CDK19: variants seen among roughly 807,000 people sequenced by gnomAD.
The protein encoded by CDK19 is cyclin dependent kinase 19.
CDK19 carries 20 observed loss-of-function variants against 68.3 expected under a neutral mutation model. The observed-to-expected ratio is 0.29, with a 90% confidence interval of 0.21 to 0.43. The LOEUF is 0.43. CDK19 is among the 20% of genes least tolerant of loss of function. The pLI is 1.00. For synonymous variants in CDK19, 221 were observed against 222.8 expected (o/e 0.99, Z 0.07); for missense variants, 339 against 623.5 (o/e 0.54, Z 4.86).
Position 110,658,418 on chromosome 6 carries a change from A to G in CDK19, c.456+9016T>C, listed in dbSNP as rs569854515. 1.1e-4 allele frequency among the ~76,000 whole-genome samples: 17 copies of G among 152,358 alleles called. No homozygotes were observed. The South Asian group carries it at 3.5e-3, about 32-fold the overall frequency. On this transcript the variant is annotated intron_variant, in intron 4 of 12. Coordinates refer to ENST00000368911, the MANE Select transcript of CDK19 (RefSeq NM_015076.5). ...GAAATCAGAATGATTAAGTCATATT[A>G]AAAGAAATACTACTTCTTGTCATAA...
intron 2 of CDK19, among the ~76,000 whole-genome samples, chr6:110,734,559 C>CTCTCTCTCTCTCTG (rs1408540739): frequency 6.7e-6 from 1 of 149,986 alleles, no homozygotes; most frequent in Non-Finnish European, 1.5e-5. Context: ...CTCTCTCTCT[C>CTCTCTCTCTCTCTG]TCATGTCTGG....
chr6:110,669,764 G>A (rs1770838810), intron 3 of CDK19, among the ~76,000 whole-genome samples: 1 of 152,198 alleles, frequency 6.6e-6, no homozygotes, highest in South Asian at 2.1e-4. Flanking sequence ...TGAAAAGACA[G>A]GAATTAGAAT....
intron 2 of CDK19, among the ~76,000 whole-genome samples, chr6:110,674,402 A>G (rs1490339123): frequency 6.6e-6 from 1 of 152,246 alleles, no homozygotes; most frequent in African/African-American, 2.4e-5. Context: ...TTACTGAGGA[A>G]GGCACACTGA....
At chr6:110,764,521 ATACAGTGCTAGTTC>A (rs1779440453) in intron 1 of CDK19, among the ~76,000 whole-genome samples, 1 of 152,258 alleles carries the variant, frequency 6.6e-6, no homozygotes, top group African/African-American at 2.4e-5. Context: ...TTGTTTCAAC[ATACAGTGCTAGTTC>A]TAGCACTGGA....
chr6:110,713,394 T>C (rs995200038), intron 2 of CDK19, among the ~76,000 whole-genome samples: 1 of 139,842 alleles, frequency 7.2e-6, no homozygotes, highest in African/African-American at 2.7e-5. Context: ...ATCGCGCCAC[T>C]GCACTCCAGC....
chr6:110,796,423 T>C (rs1326518986), intron 1 of CDK19, among the ~76,000 whole-genome samples: 1 of 151,610 alleles, frequency 6.6e-6, no homozygotes, highest in Non-Finnish European at 1.5e-5. Flanking sequence ...GAGGCTGAGG[T>C]GGGTGGACTG....
At chr6:110,735,149 T>C (rs572791771) in intron 2 of CDK19, among the ~76,000 whole-genome samples, 1 of 152,064 alleles carries the variant, frequency 6.6e-6, no homozygotes, top group Admixed American at 6.5e-5. Context: ...GTCTTGCTAT[T>C]TTGCCCAGGC....
At chr6:110,796,912 A>T (rs901405573) in intron 1 of CDK19, among the ~76,000 whole-genome samples, 5 of 151,226 alleles carry the variant, frequency 3.3e-5, no homozygotes, top group Non-Finnish European at 7.4e-5. Flanking sequence ...CAGGAGACTG[A>T]GGCACGAGAA....
At chr6:110,805,668 T>C (rs1050532891) in intron 1 of CDK19, among the ~76,000 whole-genome samples, 1 of 152,030 alleles carries the variant, frequency 6.6e-6, no homozygotes, top group Admixed American at 6.6e-5. Context: ...ACTCCTGCTG[T>C]TCAACAGTCA....
At chr6:110,730,804 C>T (rs1022268083) in intron 2 of CDK19, among the ~76,000 whole-genome samples, 4 of 152,202 alleles carry the variant, frequency 2.6e-5, no homozygotes, top group African/African-American at 9.6e-5. Flanking sequence ...GTAATCCCAG[C>T]ACTTTGGGAG....
intron 4 of CDK19, among the ~76,000 whole-genome samples, chr6:110,656,439 T>C (rs9320341): frequency 0.014 from 2,115 of 152,362 alleles, 51 homozygotes; most frequent in African/African-American, 0.048. Context: ...AATAGGTCTT[T>C]CTATTCAGAG....
intron 4 of CDK19, among the ~76,000 whole-genome samples, chr6:110,647,800 T>C (rs192536256): frequency 2.0e-5 from 3 of 152,256 alleles, no homozygotes; most frequent in Admixed American, 1.3e-4. Context: ...AAGGTCAATA[T>C]AATGTTGGTT....
At chr6:110,650,915 T>C (rs547679684) in intron 4 of CDK19, among the ~76,000 whole-genome samples, 47 of 152,174 alleles carry the variant, frequency 3.1e-4, no homozygotes, top group Non-Finnish European at 5.3e-4. Flanking sequence ...GCTTTGGCAG[T>C]TGGGGAGGAC....
intron 1 of CDK19, among the ~76,000 whole-genome samples, chr6:110,765,416 C>G (rs1051513230): frequency 1.3e-5 from 2 of 151,588 alleles, no homozygotes; most frequent in Admixed American, 6.6e-5. Context: ...CGGTGGCTCA[C>G]GCCTGTAATT....
At chr6:110,805,973 C>CA (rs34834440) in intron 1 of CDK19, among the ~76,000 whole-genome samples, 8,371 of 95,242 alleles carry the variant, frequency 0.088, 445 homozygotes, top group East Asian at 0.4. Flanking sequence ...TAACACTTCT[C>CA]AAAAAAAAAA....
chr6:110,761,162 G>A (rs896019909), intron 1 of CDK19, among the ~76,000 whole-genome samples: 1 of 152,062 alleles, frequency 6.6e-6, no homozygotes, highest in Non-Finnish European at 1.5e-5. Flanking sequence ...TGCCCAGGCT[G>A]GTCTCGAATG....
At chr6:110,765,305 G>A (rs982795064) in intron 1 of CDK19, among the ~76,000 whole-genome samples, 1 of 152,128 alleles carries the variant, frequency 6.6e-6, no homozygotes, top group Non-Finnish European at 1.5e-5. Flanking sequence ...CTTGAGCCCT[G>A]GAGGTTGAGG....
intron 2 of CDK19, among the ~76,000 whole-genome samples, chr6:110,681,389 T>C (rs954414733): frequency 6.6e-5 from 10 of 152,176 alleles, no homozygotes; most frequent in Admixed American, 4.6e-4. Context: ...ACATTAACAA[T>C]AGTTATTTCT....
intron 1 of CDK19, among the ~76,000 whole-genome samples, chr6:110,808,056 A>AAAAG (rs1254317496): frequency 1.6e-4 from 24 of 152,328 alleles, no homozygotes; most frequent in African/African-American, 5.5e-4. Flanking sequence ...GTAACTTGAA[A>AAAAG]AAAGACATAA....
Sources: gnomAD v4.1 joint callset for allele counts (sites outside exome capture counted in the v4.1 genomes callset) on GRCh38, gnomAD v4.1.1 for gene constraint, MANE v1.5 for transcripts, NCBI Gene and HGNC (gene_info 2026-07-23, HGNC 2026-07-21) for gene names.